Variants in GAS7 observed in about 807,000 individuals in gnomAD.
The protein encoded by GAS7 is growth arrest-specific protein 7.
Under a neutral mutation model 71.1 loss-of-function variants are expected in GAS7, and 28 were observed. That is an observed-to-expected ratio of 0.39 (90% confidence interval 0.29 to 0.54). The LOEUF (loss-of-function observed/expected upper bound fraction) is 0.54. Among genes scored for constraint, GAS7 ranks in the 20% least tolerant of loss-of-function variants. The probability of loss-of-function intolerance (pLI) is 0.62; values close to 1 mark genes in which losing one functional copy is unlikely to be tolerated. For missense variants in GAS7, 436 were observed against 627.8 expected, an observed-to-expected ratio of 0.69 and a Z score of 3.27; for synonymous variants, 258 against 245.8, an observed-to-expected ratio of 1.05 and a Z score of -0.46.
rs2152243391 is a variant in GAS7 at position 10,063,137 on chromosome 17, G to C, written c.184-43240C>G. On this transcript the variant is annotated intron_variant, in intron 1 of 13. Transcript: ENST00000432992. ...AGAGTGGCTCTGTGGTGGTTTCATG[G>C]GGTTTCCCCTAGAGGAACAGACAGG... Among the ~76,000 whole-genome samples the C allele has an allele frequency of 3.3e-5, 5 of 152,352 alleles. No individual in the cohort carries two copies. In the South Asian group the frequency reaches 1.0e-3, roughly 32 times the overall value.
chr17:10,194,356 G>A (rs1236454502), intron 1 of GAS7, among the ~76,000 whole-genome samples: 1 of 152,134 alleles, frequency 6.6e-6, no homozygotes, highest in African/African-American at 2.4e-5. Context: ...TCCATTCAAG[G>A]AAAGTACAGG....
intron 1 of GAS7, among the ~76,000 whole-genome samples, chr17:10,172,416 C>G (rs746046873): frequency 2.0e-5 from 3 of 152,126 alleles, no homozygotes; most frequent in Non-Finnish European, 2.9e-5. Flanking sequence ...CTCTGTATTG[C>G]TCTCAACTTT....
At chr17:10,134,951 G>C (rs2074027174) in intron 1 of GAS7, among the ~76,000 whole-genome samples, 1 of 151,810 alleles carries the variant, frequency 6.6e-6, no homozygotes, top group African/African-American at 2.4e-5. Flanking sequence ...TCCTGCCTCA[G>C]CCTCCCAAGT....
chr17:10,116,309 T>G (rs1410574128), intron 1 of GAS7, among the ~76,000 whole-genome samples: 16 of 91,370 alleles, frequency 1.8e-4, no homozygotes, highest in Admixed American at 1.2e-4. Flanking sequence ...GTGAGACTCT[T>G]GCCTCAAAAA....
chr17:10,108,678 A>T (rs1322841384), intron 1 of GAS7, among the ~76,000 whole-genome samples: 1 of 152,190 alleles, frequency 6.6e-6, no homozygotes, highest in Middle Eastern at 3.2e-3. Flanking sequence ...AAATAAATCC[A>T]TGTATTTACA....
intron 1 of GAS7, among the ~76,000 whole-genome samples, chr17:10,168,198 A>G (rs2142127841): frequency 6.6e-6 from 1 of 152,366 alleles, no homozygotes; most frequent in Admixed American, 6.5e-5. Context: ...CATCCATACT[A>G]TAGAATACCA....
chr17:9,989,516 T>A (rs551039375), intron 2 of GAS7, among the ~76,000 whole-genome samples: 36 of 152,252 alleles, frequency 2.4e-4, no homozygotes, highest in Non-Finnish European at 8.8e-5. Context: ...GTGTATAAAA[T>A]GTGTATGTGT....
chr17:9,922,478 C>T (rs1451256092), intron 11 of GAS7, among the ~76,000 whole-genome samples: 1 of 152,208 alleles, frequency 6.6e-6, no homozygotes, highest in African/African-American at 2.4e-5. Context: ...TATAAAAATA[C>T]CTCCCTGCAG....
At chr17:10,187,160 T>C (rs1479199463) in intron 1 of GAS7, among the ~76,000 whole-genome samples, 1 of 152,222 alleles carries the variant, frequency 6.6e-6, no homozygotes, top group Non-Finnish European at 1.5e-5. Flanking sequence ...AGAAGTGTCA[T>C]GTGTCATTCC....
chr17:9,983,224 T>C (rs2152132446), intron 2 of GAS7, among the ~76,000 whole-genome samples: 1 of 152,312 alleles, frequency 6.6e-6, no homozygotes, highest in East Asian at 1.9e-4. Flanking sequence ...GCACAGTGGT[T>C]CATGCGTCTT....
intron 1 of GAS7, among the ~76,000 whole-genome samples, chr17:10,082,070 A>G (rs374937306): frequency 1.3e-5 from 2 of 152,338 alleles, no homozygotes; most frequent in South Asian, 2.1e-4. Flanking sequence ...CTAGCTCTAC[A>G]TGCACCAACA....
chr17:9,933,570 T>G (rs1448379960), intron 9 of GAS7, among the ~76,000 whole-genome samples: 1 of 152,200 alleles, frequency 6.6e-6, no homozygotes, highest in Non-Finnish European at 1.5e-5. Flanking sequence ...AGGCCAGGTA[T>G]AGTGGCTCAT....
At chr17:10,110,240 TAGC>T (rs1485105708) in intron 1 of GAS7, among the ~76,000 whole-genome samples, 2 of 152,094 alleles carry the variant, frequency 1.3e-5, no homozygotes, top group African/African-American at 4.8e-5. Context: ...ATCATGTCAT[TAGC>T]AGCAACATGA....
Position 9,918,046 on chromosome 17 carries a change from G to A in GAS7, c.1272C>T (p.Cys424=). The change falls in exon 13 of 14, where the codon TGC becomes TGT. Residue 424 remains cysteine (C), a synonymous_variant. Coordinates refer to ENST00000432992, the MANE Select transcript of GAS7 (RefSeq NM_201433.2). ...ERVEMIRQHL[C]QYTQLRHETD... ...TTTCATGCCGCAGCTGCGTGTACTGGCACAGGTGCTGCCGGATCATCTCTA... is the reference window on the plus strand; with the variant it reads ...TTTCATGCCGCAGCTGCGTGTACTGACACAGGTGCTGCCGGATCATCTCTA... The A allele has an allele frequency of 6.2e-7, 1 of 1,613,804 alleles. No individual in the cohort carries two copies. The highest frequency in any genetic ancestry group is 1.7e-4 in the Middle Eastern group (1 of 6,056).
intron 5 of GAS7, among the ~76,000 whole-genome samples, chr17:9,948,082 C>T (rs929797812): frequency 6.6e-6 from 1 of 152,168 alleles, no homozygotes; most frequent in African/African-American, 2.4e-5. Flanking sequence ...CATAAACATG[C>T]AAAATATGTG....
At chr17:10,010,153 T>G (rs8072863) in intron 2 of GAS7, among the ~76,000 whole-genome samples, 1 of 151,978 alleles carries the variant, frequency 6.6e-6, no homozygotes, top group Admixed American at 6.5e-5. Flanking sequence ...TTCTTTTTTT[T>G]TTTCTTTCTT....
At chr17:9,963,439 A>T (rs1459265199) in intron 4 of GAS7, among the ~76,000 whole-genome samples, 1 of 152,162 alleles carries the variant, frequency 6.6e-6, no homozygotes, top group East Asian at 1.9e-4. Flanking sequence ...TTGTATGGGT[A>T]TGTGAATTAC....
chr17:10,144,077 G>A (rs1204155752), intron 1 of GAS7, among the ~76,000 whole-genome samples: 3 of 152,178 alleles, frequency 2.0e-5, no homozygotes, highest in Non-Finnish European at 2.9e-5. Context: ...AGCAGGGAAC[G>A]GGGGACTCGG....
chr17:10,070,203 G>C (rs2073324847), intron 1 of GAS7, among the ~76,000 whole-genome samples: 1 of 152,012 alleles, frequency 6.6e-6, no homozygotes, highest in Non-Finnish European at 1.5e-5. Context: ...CTTGAGGTTT[G>C]TTCCATCTCC....
Sources: gnomAD v4.1 joint callset for allele counts (sites outside exome capture counted in the v4.1 genomes callset) on GRCh38, gnomAD v4.1.1 for gene constraint, MANE v1.5 for transcripts, NCBI Gene and HGNC (gene_info 2026-07-23, HGNC 2026-07-21) for gene names.